KLHL32: variants seen among roughly 807,000 people sequenced by gnomAD.
KLHL32 encodes kelch-like protein 32.
KLHL32 carries 35 observed loss-of-function variants against 64.8 expected under a neutral mutation model. The ratio of observed to expected loss-of-function variants is 0.54; its 90% CI spans 0.41 to 0.72. KLHL32 has a LOEUF of 0.72. Among genes scored for constraint, KLHL32 ranks in the 30% least tolerant of loss-of-function variants. KLHL32 has a pLI of 0.00. For missense variants in KLHL32, 589 were observed against 768.5 expected (o/e 0.77, Z 2.76); for synonymous variants, 259 against 281.0 (o/e 0.92, Z 0.78).
At chr6:97,055,391 C>T (rs772254168) in intron 4 of KLHL32, among the ~76,000 whole-genome samples, 3 of 152,162 alleles carry the variant, frequency 2.0e-5, no homozygotes, top group African/African-American at 4.8e-5. Flanking sequence ...ATCTCCCCCA[C>T]GTAGGGTCCA....
At chr6:97,024,373 T>C (rs1782427328) in intron 3 of KLHL32, among the ~76,000 whole-genome samples, 1 of 151,208 alleles carries the variant, frequency 6.6e-6, no homozygotes, top group South Asian at 2.1e-4. Context: ...CTTGTGAACA[T>C]GAAGAAGTAT....
intron 9 of KLHL32, among the ~76,000 whole-genome samples, chr6:97,131,501 A>G (rs552035161): frequency 1.5e-3 from 233 of 152,288 alleles, no homozygotes; most frequent in African/African-American, 5.3e-3. Context: ...GAGCAACATT[A>G]GGTATGGACC....
In KLHL32 at chr6:97,112,769, A is replaced by ATTTT. The variant is rs1211352534; in HGVS notation, c.628-1014_628-1013insTTTT. On this transcript the variant is annotated intron_variant, in intron 6 of 10. Transcript: ENST00000369261. The stretch of plus-strand genomic sequence containing the variant: ...CCTGATGAATTTTTTTAATTTTAAA[A>ATTTT]AAAAAAAGGAGAATTTCTTAAAACT... Among the ~76,000 whole-genome samples, 379 of 151,378 alleles carry ATTTT rather than the reference A, an allele frequency of 2.5e-3. 3 individuals are homozygous for ATTTT. Among genetic ancestry groups the ATTTT allele is most frequent in the African/African-American group, 8.6e-3 (357 of 41,424 alleles).
At chr6:96,970,862 A>G (rs1775032487) in intron 2 of KLHL32, among the ~76,000 whole-genome samples, 1 of 152,194 alleles carries the variant, frequency 6.6e-6, no homozygotes, top group South Asian at 2.1e-4. Flanking sequence ...TTATTTTATT[A>G]TAGGGTCTTT....
intron 1 of KLHL32, among the ~76,000 whole-genome samples, chr6:96,954,410 G>T (rs1191370757): frequency 7.0e-6 from 1 of 142,468 alleles, no homozygotes; most frequent in Non-Finnish European, 1.5e-5. Context: ...AAAAAAAACT[G>T]GCTGGAAGCT....
chr6:96,980,889 A>G (rs1776223689), intron 3 of KLHL32, among the ~76,000 whole-genome samples: 2 of 152,046 alleles, frequency 1.3e-5, no homozygotes, highest in African/African-American at 4.8e-5. Flanking sequence ...GATTTAATTG[A>G]CTCACAGTTC....
At chr6:97,136,101 A>G (rs1466999149) in intron 10 of KLHL32, among the ~76,000 whole-genome samples, 1 of 152,234 alleles carries the variant, frequency 6.6e-6, no homozygotes, top group Non-Finnish European at 1.5e-5. Context: ...TCCAAGATTA[A>G]TCCACAAATC....
chr6:96,961,774 T>C (rs1418322093), intron 1 of KLHL32, among the ~76,000 whole-genome samples: 1 of 152,168 alleles, frequency 6.6e-6, no homozygotes, highest in East Asian at 1.9e-4. Flanking sequence ...AGGATATATG[T>C]GCAGAAAATG....
intron 4 of KLHL32, among the ~76,000 whole-genome samples, chr6:97,056,858 G>A (rs1195222143): frequency 6.6e-6 from 1 of 152,148 alleles, no homozygotes; most frequent in African/African-American, 2.4e-5. Context: ...GGGCAACATA[G>A]CAAGACCCTG....
intron 7 of KLHL32, among the ~76,000 whole-genome samples, chr6:97,126,048 TGG>T (rs1258312220): frequency 1.3e-5 from 2 of 152,196 alleles, no homozygotes; most frequent in Admixed American, 6.5e-5. Context: ...TTAGTTAAGC[TGG>T]GGGAATGTTA....
chr6:96,909,029 A>G, the KLHL32 span, among the ~76,000 whole-genome samples: 1 of 152,182 alleles, frequency 6.6e-6, no homozygotes, highest in Non-Finnish European at 1.5e-5. Flanking sequence ...CTGACCTTTT[A>G]CAAGGGCAGC....
intron 1 of KLHL32, among the ~76,000 whole-genome samples, chr6:96,946,256 A>G (rs1175718300): frequency 6.6e-6 from 1 of 152,136 alleles, no homozygotes; most frequent in Admixed American, 6.5e-5. Context: ...TATAATATCT[A>G]TTTTCAGTTT....
At chr6:96,952,389 T>C (rs186732521) in intron 1 of KLHL32, among the ~76,000 whole-genome samples, 1 of 152,298 alleles carries the variant, frequency 6.6e-6, no homozygotes, top group African/African-American at 2.4e-5. Context: ...AATTAGCCTA[T>C]GGTAAAATTG....
chr6:97,139,424 T>C lies in KLHL32; in HGVS notation c.*142T>C, dbSNP rs926840778. 4 of 702,280 alleles carry C rather than the reference T, an allele frequency of 5.7e-6. No individual in the cohort carries two copies. The African/African-American group carries it at 7.2e-5, about 13-fold the overall frequency. The allele number at this position is 702,280 out of a possible 1,614,324, so 43.5% of individuals were successfully genotyped here. A position where few individuals can be genotyped will look rare whatever the true frequency, so the allele number is the denominator to read the frequency against. ...AAATTTAAGCAAAAAATGAACAATT[T>C]TCTAAAATACGTTATTGAAAACTCG... On this transcript the variant is annotated 3_prime_UTR_variant, in exon 11 of 11. Transcript: ENST00000369261.
intron 5 of KLHL32, among the ~76,000 whole-genome samples, chr6:97,066,843 A>G (rs1789833673): frequency 6.6e-6 from 1 of 152,152 alleles, no homozygotes; most frequent in Non-Finnish European, 1.5e-5. Context: ...CTGATTTTTA[A>G]TTTAATGTGG....
intron 3 of KLHL32, among the ~76,000 whole-genome samples, chr6:97,034,886 A>G (rs1309029051): frequency 6.6e-6 from 1 of 152,020 alleles, no homozygotes; most frequent in Non-Finnish European, 1.5e-5. Flanking sequence ...TAGTTCTAAC[A>G]TTGTTTTTTG....
intron 1 of KLHL32, among the ~76,000 whole-genome samples, chr6:96,926,602 G>A (rs530061752): frequency 9.9e-5 from 15 of 152,240 alleles, no homozygotes; most frequent in Admixed American, 2.6e-4. Context: ...TTGTGTGTGC[G>A]TTTCAGATGT....
At chr6:96,952,099 G>A (rs1299102743) in intron 1 of KLHL32, among the ~76,000 whole-genome samples, 2 of 152,150 alleles carry the variant, frequency 1.3e-5, no homozygotes, top group African/African-American at 4.8e-5. Context: ...GTGTGAGTGT[G>A]TGTGAGTGCA....
In KLHL32 at chr6:96,934,717, C is replaced by T. The variant is rs560223344; in HGVS notation, c.-66+9691C>T. Among the ~76,000 whole-genome samples the T allele has an allele frequency of 4.6e-5, 7 of 152,338 alleles. No homozygotes were observed. The South Asian group carries it at 1.4e-3, about 32-fold the overall frequency. On this transcript the variant is annotated intron_variant, in intron 1 of 10. Transcript: ENST00000369261. ...ATATGGTAGCTCGGTTGATTAATAACATACATTTCTGCATAAGATAAAACT... is the reference window on the plus strand; with the variant it reads ...ATATGGTAGCTCGGTTGATTAATAATATACATTTCTGCATAAGATAAAACT...
Sources: gnomAD v4.1 joint callset for allele counts (sites outside exome capture counted in the v4.1 genomes callset) on GRCh38, gnomAD v4.1.1 for gene constraint, MANE v1.5 for transcripts, NCBI Gene and HGNC (gene_info 2026-07-23, HGNC 2026-07-21) for gene names.